Variants in TSGA13 observed in about 807,000 individuals in gnomAD.
The protein encoded by TSGA13 is testis specific 13.
TSGA13 carries 37 observed loss-of-function variants against 35.1 expected under a neutral mutation model. The ratio of observed to expected loss-of-function variants is 1.05; its 90% CI spans 0.81 to 1.39. The LOEUF is 1.39. Ranked by LOEUF, TSGA13 falls within the 40% of genes most tolerant of loss-of-function variation. TSGA13 has a pLI of 0.00. For synonymous variants in TSGA13, 124 were observed against 121.2 expected (o/e 1.02, Z -0.15); for missense variants, 338 against 328.5 (o/e 1.03, Z -0.22).
At chr7:130,674,117 A>C (rs1796350254) in intron 5 of TSGA13, among the ~76,000 whole-genome samples, 1 of 151,374 alleles carries the variant, frequency 6.6e-6, no homozygotes, top group African/African-American at 2.4e-5. Context: ...ACAACAACAA[A>C]AAGTCATCAA....
At chr7:130,670,852 C>G (rs1485185362) in intron 7 of TSGA13, among the ~76,000 whole-genome samples, 1 of 152,048 alleles carries the variant, frequency 6.6e-6, no homozygotes, top group Non-Finnish European at 1.5e-5. Context: ...GTGTCAAGCC[C>G]CTGGCCTCCA....
At chr7:130,684,098 T>C (rs563900221) in intron 2 of TSGA13, among the ~76,000 whole-genome samples, 2 of 152,368 alleles carry the variant, frequency 1.3e-5, no homozygotes, top group African/African-American at 4.8e-5. Context: ...TTTTTGCCAG[T>C]GATTGGCCAA....
intron 5 of TSGA13, among the ~76,000 whole-genome samples, 179 bp downstream of exon 5, chr7:130,678,976 A>G (rs1796473664): frequency 6.6e-6 from 1 of 152,210 alleles, no homozygotes; most frequent in African/African-American, 2.4e-5. Context: ...GCAGTGAGCC[A>G]TGATTGTGCC....
At chr7:130,683,734 T>C (rs910524538) in intron 2 of TSGA13, 62 bp from the exon 3 acceptor site, 2 of 1,485,492 alleles carry the variant, frequency 1.3e-6, no homozygotes, top group Admixed American at 3.5e-5. Context: ...CTTCTGCATA[T>C]TGTCAGTCTC....
chr7:130,683,962 A>T (rs1796603905), intron 2 of TSGA13, among the ~76,000 whole-genome samples: 1 of 152,226 alleles, frequency 6.6e-6, no homozygotes, highest in Non-Finnish European at 1.5e-5. Context: ...GACCATTCAC[A>T]GAAGTGCTCT....
intron 3 of TSGA13, among the ~76,000 whole-genome samples, chr7:130,683,069 C>T (rs1554465336): frequency 6.6e-6 from 1 of 152,126 alleles, no homozygotes; most frequent in Admixed American, 6.5e-5. Flanking sequence ...GGGGGAAATT[C>T]CCTGGTGAAA....
intron 5 of TSGA13, 139 bp from the exon 6 acceptor site, chr7:130,673,015 C>G (rs1321248577): frequency 1.0e-6 from 1 of 965,306 alleles, no homozygotes; most frequent in African/African-American, 1.7e-5. Flanking sequence ...AGTGGGAACT[C>G]AGAAACCAGA....
intron 7 of TSGA13, among the ~76,000 whole-genome samples, chr7:130,670,628 G>A (rs1467542770): frequency 6.6e-6 from 1 of 152,012 alleles, no homozygotes; most frequent in Non-Finnish European, 1.5e-5. Flanking sequence ...ATTGTTGTTT[G>A]TTTGTTTTTC....
At chr7:130,683,193 A>T (rs1796587871) in intron 3 of TSGA13, among the ~76,000 whole-genome samples, 1 of 152,218 alleles carries the variant, frequency 6.6e-6, no homozygotes, top group African/African-American at 2.4e-5. Flanking sequence ...TAGTTTTGTT[A>T]TGTTGAATTT....
At position 130,668,709 on chromosome 7, in the gene TSGA13, C is replaced by A; in HGVS notation, c.*305G>T. 3 of 1,512,680 alleles carry A rather than the reference C, an allele frequency of 2.0e-6. No homozygotes were observed. Among genetic ancestry groups the A allele is most frequent in the East Asian group, 2.8e-5 (1 of 35,108 alleles). 93.7% of individuals were successfully genotyped at this position (1,512,680 alleles called of 1,614,324 possible). A position where few individuals can be genotyped will look rare whatever the true frequency, so the allele number is the denominator to read the frequency against. On this transcript the variant is annotated 3_prime_UTR_variant, in exon 8 of 8. Coordinates refer to ENST00000356588, the MANE Select transcript of TSGA13 (RefSeq NM_052933.4). Reference sequence around the variant, plus strand: ...AGCGCCCAGACCCACCGCAACCGTCCCAGGCGCCGCAGCCGGCGAGCGGAA... The same window carrying A: ...AGCGCCCAGACCCACCGCAACCGTCACAGGCGCCGCAGCCGGCGAGCGGAA...
chr7:130,681,891 A>G (rs1312745032), intron 3 of TSGA13, among the ~76,000 whole-genome samples: 3 of 152,122 alleles, frequency 2.0e-5, no homozygotes, highest in African/African-American at 4.8e-5. Context: ...AAAAAAGAAG[A>G]GTGCATCATT....
In TSGA13 at chr7:130,685,449, A is replaced by G. The variant is rs117481414; in HGVS notation, c.-150-89T>C. 206 of 1,230,484 alleles carry G rather than the reference A, an allele frequency of 1.7e-4. 1 individual carries two copies. In the African/African-American group the frequency reaches 2.9e-3, roughly 17 times the overall value. 76.2% of individuals were successfully genotyped at this position (1,230,484 alleles called of 1,614,324 possible). ...GATGATGCTTGCTCTTAGAAGTTAA[A>G]TTTATTTCACAAACGGGGGAGGTGG... On this transcript the variant is annotated intron_variant, in intron 1 of 7. Transcript: ENST00000356588.
In TSGA13 at chr7:130,675,243, A is replaced by G. The variant is rs1043839713; in HGVS notation, c.388-2367T>C. Among the ~76,000 whole-genome samples the G allele has an allele frequency of 3.5e-4, 53 of 150,662 alleles. 1 individual carries two copies. The highest frequency in any genetic ancestry group is 2.1e-3 in the South Asian group (10 of 4,776). ...TATGTGTGTATATATATATATATGT[A>G]TATATATATGGGTTTTTTTCTACCT... On this transcript the variant is annotated intron_variant, in intron 5 of 7. Coordinates refer to ENST00000356588, the MANE Select transcript of TSGA13 (RefSeq NM_052933.4).
At position 130,679,235 on chromosome 7, in the gene TSGA13, G is replaced by T. The variant is rs1554464654; in HGVS notation, c.307C>A (p.Pro103Thr). 6.2e-7 allele frequency: 1 copy of T among 1,614,080 alleles called. No individual in the cohort carries two copies. The highest frequency in any genetic ancestry group is 8.5e-7 in the Non-Finnish European group (1 of 1,180,018). ...TGCTGGGTGATTGAGCAGGGAGGTG[G>T]GTTGTTGGTCATAATCAGTAACGTC... ...DKTLLIMTNN[P>T]PPCSITQQDK... The change falls in exon 5 of 8, where the codon CCA (proline) becomes ACA (threonine). Residue 103 changes from proline (P) to threonine (T), a missense_variant. Transcript: ENST00000356588.
chr7:130,676,858 G>A (rs782818730), intron 5 of TSGA13, among the ~76,000 whole-genome samples: 1 of 150,924 alleles, frequency 6.6e-6, no homozygotes, highest in Non-Finnish European at 1.5e-5. Context: ...GATTAGACCC[G>A]CTCTTGAGGC....
At chr7:130,670,281 A>G (rs977269975) in intron 7 of TSGA13, among the ~76,000 whole-genome samples, 2 of 152,190 alleles carry the variant, frequency 1.3e-5, no homozygotes, top group Non-Finnish European at 2.9e-5. Context: ...AAGGGATGGT[A>G]TAATATGACC....
At chr7:130,669,225 G>A (rs1554462463) in intron 7 of TSGA13, 42 bp from the exon 8 acceptor site, 1 of 1,612,058 alleles carries the variant, frequency 6.2e-7, no homozygotes, top group African/African-American at 1.3e-5. Flanking sequence ...TGGCTTTTCA[G>A]AAGTACTCGA....
At position 130,669,061 on chromosome 7, in the gene TSGA13, C is replaced by G. The variant is rs782239888; in HGVS notation, c.781G>C (p.Gly261Arg). 3.0e-5 allele frequency: 49 copies of G among 1,614,186 alleles called. No homozygotes were observed. Among genetic ancestry groups the G allele is most frequent in the South Asian group, 1.1e-4 (10 of 91,078 alleles). ...TAPGESAFRN[G>R]RAPQWIIKKA... The stretch of plus-strand genomic sequence containing the variant: ...TTGATAATCCACTGCGGGGCCCTCC[C>G]GTTGCGGAAGGCGCTCTCCCCGGGC... The change falls in exon 8 of 8, where the codon GGG becomes CGG. Residue 261 changes from glycine to arginine, a missense_variant. By Grantham distance (125) the Gly-to-Arg change is moderately radical. Transcript: ENST00000356588.
rs1178788947 is a variant in TSGA13, at chr7:130,672,299, G to A, written c.530+435C>T. Among the ~76,000 whole-genome samples, 3 of 152,178 alleles carry A rather than the reference G, an allele frequency of 2.0e-5. No individual in the cohort carries two copies. In the East Asian group the frequency reaches 5.8e-4, roughly 29 times the overall value. ...TTGTTCCGTGACAAGGGATGCTTCT[G>A]AACTTAACACTGTAAACCTTTGGAG... On this transcript the variant is annotated intron_variant, in intron 6 of 7. Transcript: ENST00000356588.
Sources: allele counts gnomAD v4.1 joint callset (sites outside exome capture counted in the v4.1 genomes callset), GRCh38; gene constraint gnomAD v4.1.1; transcripts MANE v1.5; gene names NCBI Gene and HGNC (gene_info 2026-07-23, HGNC 2026-07-21).